The following EYS variants were observed in gnomAD, a reference collection of about 807,000 sequenced individuals.
EYS encodes EGF-like photoreceptor maintenance factor.
EYS carries 250 observed loss-of-function variants against 282.1 expected under a neutral mutation model. The observed-to-expected ratio is 0.89, with a 90% CI of 0.80 to 0.98. EYS has a LOEUF of 0.98. Among genes scored for constraint, EYS ranks in the 50% least tolerant of loss-of-function variants. The pLI is 0.00. For missense variants in EYS, 4,016 were observed against 3,709.0 expected (o/e 1.08, Z -2.15); for synonymous variants, 1,355 against 1,282.9 (o/e 1.06, Z -1.20).
intron 31 of EYS, among the ~76,000 whole-genome samples, chr6:64,223,929 A>T (rs1171698694): frequency 6.6e-6 from 1 of 152,074 alleles, no homozygotes; most frequent in Non-Finnish European, 1.5e-5. Context: ...AACCTTTTGT[A>T]GAATAGGCCT....
intron 5 of EYS, among the ~76,000 whole-genome samples, chr6:65,453,380 A>C (rs1683396675): frequency 1.3e-5 from 2 of 152,078 alleles, no homozygotes; most frequent in South Asian, 4.1e-4. Flanking sequence ...TATTTAAAAA[A>C]TATTTGTTTT....
chr6:64,958,683 G>A (rs1010008027), intron 14 of EYS, among the ~76,000 whole-genome samples: 7 of 130,284 alleles, frequency 5.4e-5, no homozygotes, highest in African/African-American at 1.3e-4. Flanking sequence ...TGCAGTGAGC[G>A]GAGATCGCGC....
intron 30 of EYS, among the ~76,000 whole-genome samples, chr6:64,256,506 G>A (rs1486579887): frequency 6.6e-6 from 1 of 151,972 alleles, no homozygotes; most frequent in Non-Finnish European, 1.5e-5. Context: ...CTGTGGATTT[G>A]GCTACTATTG....
At chr6:64,544,812 C>A (rs1764800211) in intron 26 of EYS, among the ~76,000 whole-genome samples, 1 of 152,146 alleles carries the variant, frequency 6.6e-6, no homozygotes, top group African/African-American at 2.4e-5. Context: ...CCTCCCAAGA[C>A]TAAACCAGGA....
rs564498787 is a variant in EYS at position 64,821,796 on chromosome 6, T to C, written c.3165-73A>G. ...GCATAACTTCAAGGGAGTTTCACCA[T>C]TTAAACTTTTCTTTCCTAGTTCAGG... On this transcript the variant is annotated intron_variant, in intron 20 of 42. Transcript: ENST00000503581. 4.5e-6 allele frequency: 4 copies of C among 897,318 alleles called. No individual in the cohort carries two copies. In the East Asian group the frequency reaches 1.1e-4, roughly 25 times the overall value. 55.6% of individuals were successfully genotyped at this position (897,318 alleles called of 1,614,324 possible).
At chr6:64,289,371 A>C (rs1267213648) in intron 30 of EYS, among the ~76,000 whole-genome samples, 2 of 152,022 alleles carry the variant, frequency 1.3e-5, no homozygotes, top group East Asian at 3.9e-4. Flanking sequence ...CCACTAGAAG[A>C]GTGACCCTTG....
intron 5 of EYS, among the ~76,000 whole-genome samples, chr6:65,473,654 C>T (rs1015228981): frequency 2.0e-5 from 3 of 151,826 alleles, no homozygotes; most frequent in African/African-American, 7.2e-5. Flanking sequence ...GAATAATTAT[C>T]TTTTTTGTTT....
chr6:63,815,700 T>C (rs1352067157), intron 36 of EYS, among the ~76,000 whole-genome samples: 2 of 152,216 alleles, frequency 1.3e-5, no homozygotes, highest in African/African-American at 4.8e-5. Flanking sequence ...GAAGCTCAAT[T>C]GTTTTCTAAT....
intron 35 of EYS, among the ~76,000 whole-genome samples, chr6:63,948,118 CA>C (rs1015753849): frequency 1.3e-5 from 2 of 152,186 alleles, no homozygotes; most frequent in African/African-American, 4.8e-5. Context: ...ATGCACATCT[CA>C]AAGACAAAGA....
At chr6:65,184,287 T>C (rs141430516) in intron 12 of EYS, among the ~76,000 whole-genome samples, 214 of 151,990 alleles carry the variant, frequency 1.4e-3, no homozygotes, top group African/African-American at 4.8e-3. Flanking sequence ...CTTCTTGCTA[T>C]GCCATAACAT....
intron 26 of EYS, among the ~76,000 whole-genome samples, chr6:64,514,659 A>G (rs1213131751): frequency 1.3e-5 from 2 of 151,856 alleles, no homozygotes; most frequent in Non-Finnish European, 2.9e-5. Context: ...TATTCTTGAA[A>G]AAAACAGATT....
intron 26 of EYS, among the ~76,000 whole-genome samples, chr6:64,512,519 G>C (rs1195434636): frequency 6.6e-6 from 1 of 151,804 alleles, no homozygotes; most frequent in Non-Finnish European, 1.5e-5. Context: ...TACTGCCATG[G>C]ATTAAGGTGA....
chr6:64,513,557 T>C (rs1777471066), intron 26 of EYS, among the ~76,000 whole-genome samples: 1 of 151,886 alleles, frequency 6.6e-6, no homozygotes, highest in African/African-American at 2.4e-5. Context: ...AAGTGCTAAA[T>C]GGGTAATGGA....
intron 41 of EYS, among the ~76,000 whole-genome samples, chr6:63,735,544 AC>A (rs1429508696): frequency 6.6e-6 from 1 of 151,596 alleles, no homozygotes; most frequent in Admixed American, 6.6e-5. Flanking sequence ...CTTTTTCCCA[AC>A]CTATAAAAAC....
chr6:64,341,491 T>C (rs1278257326), intron 29 of EYS, among the ~76,000 whole-genome samples: 2 of 151,638 alleles, frequency 1.3e-5, no homozygotes, highest in Non-Finnish European at 3.0e-5. Flanking sequence ...GAGGTAAGTA[T>C]TGAGCAACCA....
intron 28 of EYS, among the ~76,000 whole-genome samples, chr6:64,413,822 A>G (rs1301126271): frequency 6.6e-6 from 1 of 152,110 alleles, no homozygotes; most frequent in African/African-American, 2.4e-5. Context: ...TTGAAATCCT[A>G]ACGCCCAAGT....
At chr6:64,308,994 T>C (rs932483582) in intron 29 of EYS, among the ~76,000 whole-genome samples, 1 of 152,102 alleles carries the variant, frequency 6.6e-6, no homozygotes, top group African/African-American at 2.4e-5. Context: ...TTATTTTTAC[T>C]GCAGTTATAT....
intron 36 of EYS, among the ~76,000 whole-genome samples, chr6:63,850,460 A>G (rs1772217816): frequency 6.6e-6 from 1 of 152,266 alleles, no homozygotes; most frequent in Non-Finnish European, 1.5e-5. Flanking sequence ...AGGGAAGCCC[A>G]TCAGACTAAC....
intron 29 of EYS, among the ~76,000 whole-genome samples, chr6:64,323,138 CAATT>C (rs1770279495): frequency 1.1e-5 from 1 of 92,322 alleles, no homozygotes; most frequent in South Asian, 3.9e-4. Flanking sequence ...ACCATTACTA[CAATT>C]AATTTTAGAA....
Sources: gnomAD v4.1 joint callset for allele counts (sites outside exome capture counted in the v4.1 genomes callset) on GRCh38, gnomAD v4.1.1 for gene constraint, MANE v1.5 for transcripts, NCBI Gene and HGNC (gene_info 2026-07-23, HGNC 2026-07-21) for gene names.